The following KCNMB2 variants were observed in gnomAD, a reference collection of about 807,000 sequenced individuals.
KCNMB2 encodes calcium-activated potassium channel subunit beta-2.
Under a neutral mutation model 24.5 loss-of-function variants are expected in KCNMB2, and 9 were observed. The ratio of observed to expected loss-of-function variants is 0.37; its 90% CI spans 0.22 to 0.64. KCNMB2 has a LOEUF of 0.64. KCNMB2 is among the 30% of genes least tolerant of loss of function. KCNMB2 has a pLI of 0.63. For missense variants in KCNMB2, 226 were observed against 284.3 expected (o/e 0.79, Z 1.47); for synonymous variants, 109 against 104.4 (o/e 1.04, Z -0.27).
At chr3:178,804,972 A>C (rs1344524630) in intron 1 of KCNMB2, among the ~76,000 whole-genome samples, 1 of 152,242 alleles carries the variant, frequency 6.6e-6, no homozygotes, top group African/African-American at 2.4e-5. Flanking sequence ...TGTAGTCCCT[A>C]TTCTATTTGA....
intron 4 of KCNMB2, among the ~76,000 whole-genome samples, chr3:178,828,925 CTGTGTGTG>C (rs71181254): frequency 0.041 from 5,839 of 142,784 alleles, 264 homozygotes; most frequent in African/African-American, 0.11. Context: ...CCCATGGTCA[CTGTGTGTG>C]TGTGTGTGTG....
At chr3:178,813,520 CT>C (rs1397417803) in intron 2 of KCNMB2, among the ~76,000 whole-genome samples, 2 of 152,060 alleles carry the variant, frequency 1.3e-5, no homozygotes, top group Non-Finnish European at 2.9e-5. Flanking sequence ...TAAATAGTTG[CT>C]GATAGATTTG....
chr3:178,592,617 A>C (rs1356244010), intron 1 of KCNMB2, among the ~76,000 whole-genome samples: 1 of 152,142 alleles, frequency 6.6e-6, no homozygotes, highest in Non-Finnish European at 1.5e-5. Flanking sequence ...TTGATAGAGA[A>C]GTAGTATCTG....
intron 1 of KCNMB2, among the ~76,000 whole-genome samples, chr3:178,602,573 TG>T (rs35561776): frequency 0.14 from 17,473 of 121,432 alleles, 1,155 homozygotes; most frequent in Middle Eastern, 0.26. Context: ...GGTTCGGGGG[TG>T]GGGGGGAGGA....
At chr3:178,670,857 A>G (rs1471775495) in intron 1 of KCNMB2, among the ~76,000 whole-genome samples, 1 of 152,132 alleles carries the variant, frequency 6.6e-6, no homozygotes. Context: ...TACTCTGGGT[A>G]TAAAATCTAG....
chr3:178,573,655 G>A (rs1250196389), intron 1 of KCNMB2, among the ~76,000 whole-genome samples: 1 of 150,658 alleles, frequency 6.6e-6, no homozygotes, highest in African/African-American at 2.4e-5. Flanking sequence ...GCTGAGGTGG[G>A]AGGATTGTTT....
intron 1 of KCNMB2, among the ~76,000 whole-genome samples, chr3:178,740,601 T>C (rs190379817): frequency 6.6e-5 from 10 of 152,324 alleles, no homozygotes; most frequent in Admixed American, 5.9e-4. Context: ...ATACAAAATA[T>C]ATATTTAGGA....
intron 1 of KCNMB2, among the ~76,000 whole-genome samples, chr3:178,759,929 G>GAT (rs1444837318): frequency 3.8e-4 from 4 of 10,586 alleles, no homozygotes; most frequent in African/African-American, 1.1e-3. Context: ...TATCCAAGAG[G>GAT]ATATATCTAT....
intron 1 of KCNMB2, among the ~76,000 whole-genome samples, chr3:178,757,368 A>ATATC (rs1553774230): frequency 1.2e-5 from 1 of 82,360 alleles, no homozygotes; most frequent in Non-Finnish European, 2.3e-5. Flanking sequence ...ATATATATAT[A>ATATC]TATATCCAAG....
At chr3:178,772,752 A>G (rs891813972) in intron 1 of KCNMB2, among the ~76,000 whole-genome samples, 4 of 152,234 alleles carry the variant, frequency 2.6e-5, no homozygotes, top group African/African-American at 9.6e-5. Context: ...TTGTTTAAAA[A>G]TGACTTGTTT....
At chr3:178,552,389 CA>C (rs1182393857) in intron 1 of KCNMB2, among the ~76,000 whole-genome samples, 7 of 150,480 alleles carry the variant, frequency 4.7e-5, no homozygotes, top group Non-Finnish European at 8.9e-5. Flanking sequence ...AACCCCCCCC[CA>C]AAATATTCTA....
chr3:178,778,462 A>ACGCACGTGCGCGCGCGCGCGCG (rs1437410515), intron 1 of KCNMB2, among the ~76,000 whole-genome samples: 14 of 63,594 alleles, frequency 2.2e-4, no homozygotes, highest in Non-Finnish European at 3.3e-4. Flanking sequence ...TAAGACACAC[A>ACGCACGTGCGCGCGCGCGCGCG]CACACACACA....
At chr3:178,729,581 G>A (rs74809328) in intron 1 of KCNMB2, among the ~76,000 whole-genome samples, 21,295 of 152,120 alleles carry the variant, frequency 0.14, 1,843 homozygotes, top group Non-Finnish European at 0.18. Flanking sequence ...TGGTGCTGGG[G>A]CGAAGTCAGC....
chr3:178,780,492 C>T (rs1712785329), intron 1 of KCNMB2, among the ~76,000 whole-genome samples: 1 of 152,124 alleles, frequency 6.6e-6, no homozygotes, highest in African/African-American at 2.4e-5. Flanking sequence ...ATGGCTGAAG[C>T]CCAGGGATGT....
intron 1 of KCNMB2, among the ~76,000 whole-genome samples, chr3:178,569,061 C>T (rs1202779752): frequency 6.6e-6 from 1 of 151,820 alleles, no homozygotes; most frequent in African/African-American, 2.4e-5. Flanking sequence ...AGTTGACTGG[C>T]TTAGCATAGC....
In KCNMB2 at chr3:178,787,581, G is replaced by C. The variant is rs368608954; in HGVS notation, c.-67-19762G>C. On this transcript the variant is annotated intron_variant, in intron 1 of 4. Transcript: ENST00000452583. ...AATAAGGAGCAAAGCCTAGGTTTGGGTCCATCTGTTCATATTCTTACCATT... is the reference window on the plus strand; with the variant it reads ...AATAAGGAGCAAAGCCTAGGTTTGGCTCCATCTGTTCATATTCTTACCATT... Among the ~76,000 whole-genome samples, 52 of 152,106 alleles carry C rather than the reference G, an allele frequency of 3.4e-4. 1 individual carries two copies. The South Asian group carries it at 0.011, about 31-fold the overall frequency.
At chr3:178,739,534 T>A (rs1468628135) in intron 1 of KCNMB2, among the ~76,000 whole-genome samples, 3 of 152,200 alleles carry the variant, frequency 2.0e-5, no homozygotes, top group African/African-American at 7.2e-5. Context: ...ATGCTTGGTA[T>A]AGGCTCTCCA....
At chr3:178,666,346 A>G (rs527571225) in intron 1 of KCNMB2, among the ~76,000 whole-genome samples, 115 of 152,248 alleles carry the variant, frequency 7.6e-4, no homozygotes, top group Non-Finnish European at 1.4e-3. Context: ...GCATGTAAAA[A>G]ATCCATGAAT....
At chr3:178,681,656 G>A (rs1452073691) in intron 1 of KCNMB2, among the ~76,000 whole-genome samples, 2 of 152,140 alleles carry the variant, frequency 1.3e-5, no homozygotes, top group African/African-American at 4.8e-5. Context: ...TTATCCAAAG[G>A]TCCTTAGACA....
Sources: allele counts gnomAD v4.1 joint callset (sites outside exome capture counted in the v4.1 genomes callset), GRCh38; gene constraint gnomAD v4.1.1; transcripts MANE v1.5; gene names NCBI Gene and HGNC (gene_info 2026-07-23, HGNC 2026-07-21).